MAGI1: variants seen among roughly 807,000 people sequenced by gnomAD.
MAGI1 encodes membrane associated guanylate kinase, WW and PDZ domain containing 1, also known as membrane-associated guanylate kinase, WW and PDZ domain-containing protein 1.
A neutral mutation model predicts 139.9 loss-of-function variants in MAGI1; 58 were observed. The observed-to-expected ratio is 0.41, with a 90% confidence interval of 0.34 to 0.52. The LOEUF is 0.52. Ranked by LOEUF, MAGI1 falls within the 20% of genes least tolerant of loss-of-function variation. The probability of loss-of-function intolerance (pLI) is 0.12; values close to 1 mark genes in which losing one functional copy is unlikely to be tolerated. For missense variants in MAGI1, 1,874 were observed against 1,901.6 expected (o/e 0.99, Z 0.27); for synonymous variants, 812 against 737.9 (o/e 1.10, Z -1.63).
At chr3:65,365,343 C>A in intron 18 of MAGI1, 1 of 371,904 alleles carries the variant, frequency 2.7e-6, no homozygotes, top group Non-Finnish European at 5.2e-6. Context: ...ATGTCTCTAC[C>A]AATGTTTCCT....
intron 1 of MAGI1, among the ~76,000 whole-genome samples, chr3:66,013,578 A>T (rs2067459373): frequency 6.6e-6 from 1 of 151,712 alleles, no homozygotes; most frequent in Admixed American, 6.6e-5. Flanking sequence ...TGGCTAACAC[A>T]GTGAAACTCC....
intron 6 of MAGI1, 162 bp from the exon 7 acceptor site, chr3:65,448,219 C>A (rs1575782645): frequency 1.5e-6 from 1 of 671,560 alleles, no homozygotes; most frequent in South Asian, 1.8e-5. Flanking sequence ...GGATAGTAAA[C>A]TTGCGACCTC....
At chr3:65,980,455 C>A (rs552542243) in intron 1 of MAGI1, among the ~76,000 whole-genome samples, 10 of 151,348 alleles carry the variant, frequency 6.6e-5, no homozygotes, top group Admixed American at 2.0e-4. Context: ...CCCAGCTACT[C>A]GAGAGGCTGA....
chr3:65,891,689 T>C (rs2060753819), intron 1 of MAGI1, among the ~76,000 whole-genome samples: 1 of 127,166 alleles, frequency 7.9e-6, no homozygotes, highest in African/African-American at 3.0e-5. Flanking sequence ...ACAATAGCCC[T>C]AAGGTGTTGG....
intron 5 of MAGI1, among the ~76,000 whole-genome samples, chr3:65,468,887 G>C (rs1459049307): frequency 6.6e-6 from 1 of 151,402 alleles, no homozygotes; most frequent in Non-Finnish European, 1.5e-5. Flanking sequence ...AGTGAGCTAT[G>C]ATCATGCTAC....
chr3:65,807,205 T>G (rs1193424468), intron 1 of MAGI1, among the ~76,000 whole-genome samples: 2 of 152,164 alleles, frequency 1.3e-5, no homozygotes, highest in Non-Finnish European at 2.9e-5. Context: ...ACTGGGTAAT[T>G]TGTAAATAAC....
chr3:65,712,978 A>G (rs1266552592), intron 1 of MAGI1, among the ~76,000 whole-genome samples: 2 of 152,194 alleles, frequency 1.3e-5, no homozygotes, highest in Non-Finnish European at 2.9e-5. Flanking sequence ...AGGCTCTCCA[A>G]TTAAATATTC....
chr3:65,599,287 A>T (rs1281555237), intron 2 of MAGI1, among the ~76,000 whole-genome samples: 1 of 152,208 alleles, frequency 6.6e-6, no homozygotes, highest in Non-Finnish European at 1.5e-5. Flanking sequence ...CCATTTAGAT[A>T]ACAAGGCAGC....
chr3:65,761,046 A>G, intron 1 of MAGI1, among the ~76,000 whole-genome samples: 1 of 152,308 alleles, frequency 6.6e-6, no homozygotes, highest in South Asian at 2.1e-4. Context: ...GAGATCCCAA[A>G]CACTGAAGTT....
chr3:65,659,049 T>A (rs976934733), intron 1 of MAGI1, among the ~76,000 whole-genome samples: 1 of 152,178 alleles, frequency 6.6e-6, no homozygotes, highest in African/African-American at 2.4e-5. Context: ...CCTATTTTTA[T>A]TCCTATTTTA....
chr3:65,709,848 A>G (rs886279202), intron 1 of MAGI1, among the ~76,000 whole-genome samples: 2 of 152,248 alleles, frequency 1.3e-5, no homozygotes, highest in African/African-American at 2.4e-5. Flanking sequence ...TAGCCTCTAC[A>G]TTAATTGAAA....
At chr3:65,469,310 G>T (rs1057220326) in intron 5 of MAGI1, among the ~76,000 whole-genome samples, 1 of 151,750 alleles carries the variant, frequency 6.6e-6, no homozygotes, top group African/African-American at 2.4e-5. Flanking sequence ...TGAATCTGTG[G>T]TATTTTTTTT....
intron 12 of MAGI1, among the ~76,000 whole-genome samples, chr3:65,426,708 C>G (rs1347786561): frequency 1.3e-5 from 2 of 152,142 alleles, no homozygotes; most frequent in African/African-American, 2.4e-5. Context: ...ATTCAAGCAA[C>G]TAATGTATGG....
At chr3:66,017,600 G>A (rs1447061407) in intron 1 of MAGI1, among the ~76,000 whole-genome samples, 2 of 152,304 alleles carry the variant, frequency 1.3e-5, no homozygotes, top group East Asian at 3.9e-4. Flanking sequence ...AACTTCCAAG[G>A]CTCAGGGTTC....
At chr3:65,846,669 G>A (rs2059009520) in intron 1 of MAGI1, among the ~76,000 whole-genome samples, 1 of 152,136 alleles carries the variant, frequency 6.6e-6, no homozygotes, top group Admixed American at 6.6e-5. Context: ...TTCTGAAGCA[G>A]GTTCTGTTAT....
intron 1 of MAGI1, among the ~76,000 whole-genome samples, chr3:65,960,901 T>C (rs2064389933): frequency 6.6e-6 from 1 of 152,224 alleles, no homozygotes; most frequent in African/African-American, 2.4e-5. Flanking sequence ...CCTTGTCTAT[T>C]AAGAAGACAT....
intron 1 of MAGI1, among the ~76,000 whole-genome samples, chr3:65,891,185 G>A (rs989169870): frequency 1.3e-5 from 2 of 149,918 alleles, no homozygotes; most frequent in African/African-American, 2.5e-5. Context: ...CTGGGCGACT[G>A]AGTGAGCCCC....
chr3:65,804,989 A>C (rs187679946), intron 1 of MAGI1, among the ~76,000 whole-genome samples: 25 of 152,382 alleles, frequency 1.6e-4, no homozygotes. Flanking sequence ...AAACCCTAGA[A>C]GAAAATCTAG....
At chr3:65,454,765 C>T (rs73133308) in intron 5 of MAGI1, among the ~76,000 whole-genome samples, 8,142 of 149,344 alleles carry the variant, frequency 0.055, 254 homozygotes, top group Admixed American at 0.089. Flanking sequence ...ACAGAATCTG[C>T]GAATGTATAC....
Sources: gnomAD v4.1 joint callset for allele counts (sites outside exome capture counted in the v4.1 genomes callset) on GRCh38, gnomAD v4.1.1 for gene constraint, MANE v1.5 for transcripts, NCBI Gene and HGNC (gene_info 2026-07-23, HGNC 2026-07-21) for gene names.